Variants in SCAI observed in about 807,000 individuals in gnomAD.
SCAI encodes the protein suppressor of cancer cell invasion, also known as protein SCAI.
In SCAI, 24 loss-of-function variants were observed where a neutral mutation model predicts 92.2. The observed-to-expected ratio is 0.26, with a 90% confidence interval of 0.19 to 0.37. The LOEUF is 0.37. Ranked by LOEUF, SCAI falls within the 10% of genes least tolerant of loss-of-function variation. The pLI is 1.00. For missense variants in SCAI, 450 were observed against 736.2 expected, an observed-to-expected ratio of 0.61 and a Z score of 4.50; for synonymous variants, 261 against 258.6, an observed-to-expected ratio of 1.01 and a Z score of -0.09.
chr9:124,965,243 T>C (rs186795378), intron 17 of SCAI, among the ~76,000 whole-genome samples: 4 of 152,288 alleles, frequency 2.6e-5, no homozygotes, highest in Admixed American at 2.6e-4. Context: ...TTTGTGTGTA[T>C]GTCGGGGGGG....
chr9:125,053,232 G>T (rs1415517593), intron 3 of SCAI, among the ~76,000 whole-genome samples: 1 of 152,046 alleles, frequency 6.6e-6, no homozygotes, highest in Non-Finnish European at 1.5e-5. Flanking sequence ...TATTCGGGAG[G>T]CTGAGGCAGG....
intron 2 of SCAI, among the ~76,000 whole-genome samples, chr9:125,114,768 C>CTTT (rs10541713): frequency 2.1e-4 from 17 of 81,660 alleles, no homozygotes; most frequent in East Asian, 7.7e-4. Context: ...CCACACCCGG[C>CTTT]TTTTTTTTTT....
chr9:125,131,171 C>T (rs969400612), intron 2 of SCAI, among the ~76,000 whole-genome samples: 12 of 150,918 alleles, frequency 8.0e-5, no homozygotes, highest in African/African-American at 2.7e-4. Flanking sequence ...TTTGGGAGGC[C>T]GAGGCGGGTG....
intron 6 of SCAI, among the ~76,000 whole-genome samples, chr9:125,021,265 G>C (rs1438532383): frequency 1.3e-5 from 2 of 152,142 alleles, no homozygotes; most frequent in African/African-American, 4.8e-5. Flanking sequence ...AGGAAAATAT[G>C]ATCTCTGTGC....
At chr9:124,969,721 C>T (rs1831615784) in intron 17 of SCAI, among the ~76,000 whole-genome samples, 1 of 152,210 alleles carries the variant, frequency 6.6e-6, no homozygotes, top group African/African-American at 2.4e-5. Context: ...CGCTTTGGAA[C>T]ACAGTCTGGC....
chr9:125,126,248 T>C (rs1406010670), intron 2 of SCAI, among the ~76,000 whole-genome samples: 1 of 152,182 alleles, frequency 6.6e-6, no homozygotes, highest in African/African-American at 2.4e-5. Context: ...CTAGCTGTTG[T>C]GGTTGCTGGC....
chr9:125,004,015 A>C (rs1832419810), intron 9 of SCAI, among the ~76,000 whole-genome samples: 1 of 152,032 alleles, frequency 6.6e-6, no homozygotes, highest in African/African-American at 2.4e-5. Flanking sequence ...ATCTCTACTA[A>C]AAATACAAAA....
At chr9:125,016,492 GAGAAAAAATT>G (rs2131066790) in intron 9 of SCAI, among the ~76,000 whole-genome samples, 1 of 151,754 alleles carries the variant, frequency 6.6e-6, no homozygotes, top group African/African-American at 2.4e-5. Context: ...ATCAATGTAA[GAGAAAAAATT>G]AGAAAAAATC....
At chr9:125,031,674 G>A (rs1211902947) in intron 3 of SCAI, among the ~76,000 whole-genome samples, 1 of 151,964 alleles carries the variant, frequency 6.6e-6, no homozygotes, top group Non-Finnish European at 1.5e-5. Flanking sequence ...TTCCATTTAT[G>A]GTACAAACAT....
Position 125,097,372 on chromosome 9 carries a change from G to GCAGTGAGC in SCAI, c.99-41373_99-41366dup, listed in dbSNP as rs1391234564. Among the ~76,000 whole-genome samples, 14 of 152,190 alleles carry GCAGTGAGC rather than the reference G, an allele frequency of 9.2e-5. 1 individual carries two copies. The South Asian group carries it at 2.9e-3, about 32-fold the overall frequency. Reference sequence around the variant, plus strand: ...TGCTTGAACTCGGGAGGTAGAGATTGCAGTGAGCCAAGATCATGCCACTTC... The same window carrying GCAGTGAGC: ...TGCTTGAACTCGGGAGGTAGAGATTGCAGTGAGCCAGTGAGCCAAGATCATGCCACTTC... On this transcript the variant is annotated intron_variant, in intron 2 of 17. Coordinates refer to ENST00000336505, the MANE Select transcript of SCAI (RefSeq NM_001144877.3).
chr9:125,112,880 T>C (rs1387919262), intron 2 of SCAI, among the ~76,000 whole-genome samples: 1 of 152,178 alleles, frequency 6.6e-6, no homozygotes, highest in African/African-American at 2.4e-5. Context: ...AAGGGACTTA[T>C]CAGCCAACTG....
intron 2 of SCAI, among the ~76,000 whole-genome samples, chr9:125,137,521 AT>A (rs1835565749): frequency 6.6e-6 from 1 of 152,210 alleles, no homozygotes; most frequent in Non-Finnish European, 1.5e-5. Context: ...AGAGAGCCAT[AT>A]ACCAAAACCA....
chr9:124,968,278 A>G lies in SCAI; in HGVS notation c.1674+3092T>C, dbSNP rs985577148. On this transcript the variant is annotated intron_variant, in intron 17 of 17. Coordinates refer to ENST00000336505, the MANE Select transcript of SCAI (RefSeq NM_001144877.3). Reference sequence around the variant, plus strand: ...TGGCCTGACAGCTTTTAATATCCTTAAAACCGGGCTGGGCATCAAGCGTCT... The same window carrying G: ...TGGCCTGACAGCTTTTAATATCCTTGAAACCGGGCTGGGCATCAAGCGTCT... 4 of 1,146,882 alleles carry G rather than the reference A, an allele frequency of 3.5e-6. No individual in the cohort carries two copies. In the African/African-American group the frequency reaches 6.1e-5, roughly 17 times the overall value. The allele number at this position is 1,146,882 out of a possible 1,614,324, so 71.0% of individuals were successfully genotyped here.
intron 15 of SCAI, among the ~76,000 whole-genome samples, 179 bp from the exon 16 acceptor site, chr9:124,972,023 G>C (rs1831670591): frequency 6.6e-6 from 1 of 152,110 alleles, no homozygotes; most frequent in Non-Finnish European, 1.5e-5. Flanking sequence ...GCTTTCTGCT[G>C]AACAAACTTC....
intron 14 of SCAI, among the ~76,000 whole-genome samples, chr9:124,979,257 G>C (rs572779979): frequency 1.9e-4 from 29 of 151,896 alleles, no homozygotes; most frequent in Admixed American, 4.6e-4. Context: ...CTATTTCTTG[G>C]CTGGGCATGG....
chr9:125,077,617 T>C (rs1273093145), intron 2 of SCAI, among the ~76,000 whole-genome samples: 1 of 152,232 alleles, frequency 6.6e-6, no homozygotes, highest in Non-Finnish European at 1.5e-5. Context: ...TGTTATTATC[T>C]GTCTAGAGAG....
chr9:125,090,052 T>C (rs1317208966), intron 2 of SCAI, among the ~76,000 whole-genome samples: 3 of 152,200 alleles, frequency 2.0e-5, no homozygotes, highest in African/African-American at 7.2e-5. Context: ...ACAGCAAGCA[T>C]GTAGTGCCCT....
At chr9:125,037,366 G>A (rs1244958376) in intron 3 of SCAI, among the ~76,000 whole-genome samples, 6 of 150,514 alleles carry the variant, frequency 4.0e-5, no homozygotes, top group African/African-American at 1.5e-4. Context: ...TTTGAGCCAA[G>A]GAGGTCAAGA....
intron 9 of SCAI, among the ~76,000 whole-genome samples, chr9:125,017,822 A>G (rs1354284495): frequency 6.6e-6 from 1 of 152,006 alleles, no homozygotes; most frequent in Non-Finnish European, 1.5e-5. Flanking sequence ...CAGCCTGGCC[A>G]ACATGATGAT....
Sources: gnomAD v4.1 joint callset for allele counts (sites outside exome capture counted in the v4.1 genomes callset) on GRCh38, gnomAD v4.1.1 for gene constraint, MANE v1.5 for transcripts, NCBI Gene and HGNC (gene_info 2026-07-23, HGNC 2026-07-21) for gene names.